CACNA2D3: variants seen among roughly 807,000 people sequenced by gnomAD.
CACNA2D3 encodes the protein voltage-dependent calcium channel subunit alpha-2/delta-3.
Under a neutral mutation model 160.6 loss-of-function variants are expected in CACNA2D3, and 60 were observed. The ratio of observed to expected loss-of-function variants is 0.37; its 90% CI spans 0.30 to 0.46. CACNA2D3 has a LOEUF of 0.46. CACNA2D3 is among the 20% of genes least tolerant of loss of function. CACNA2D3 has a pLI of 1.00. For synonymous variants in CACNA2D3, 558 were observed against 492.9 expected, an observed-to-expected ratio of 1.13 and a Z score of -1.75; for missense variants, 1,205 against 1,365.0, an observed-to-expected ratio of 0.88 and a Z score of 1.85.
chr3:54,945,199 A>C, intron 27 of CACNA2D3, among the ~76,000 whole-genome samples: 1 of 152,172 alleles, frequency 6.6e-6, no homozygotes, highest in East Asian at 1.9e-4. Flanking sequence ...TCTGAACATT[A>C]GCAGTTTTTC....
intron 2 of CACNA2D3, among the ~76,000 whole-genome samples, chr3:54,302,930 C>G (rs1254745436): frequency 1.3e-5 from 2 of 151,986 alleles, no homozygotes; most frequent in African/African-American, 4.8e-5. Context: ...TGCTTTTACT[C>G]CAGGATCCTC....
chr3:54,661,731 C>T (rs1198479112), intron 11 of CACNA2D3, among the ~76,000 whole-genome samples: 1 of 152,042 alleles, frequency 6.6e-6, no homozygotes, highest in Non-Finnish European at 1.5e-5. Context: ...TTTCCTCTTG[C>T]TGCAATAGAT....
intron 17 of CACNA2D3, among the ~76,000 whole-genome samples, chr3:54,871,191 A>C (rs547216159): frequency 2.3e-5 from 2 of 86,708 alleles, no homozygotes; most frequent in East Asian, 8.7e-4. Context: ...AGACACACAC[A>C]CACACACACA....
At chr3:55,003,044 C>T (rs768442116) in intron 31 of CACNA2D3, among the ~76,000 whole-genome samples, 15 of 152,104 alleles carry the variant, frequency 9.9e-5, no homozygotes, top group Non-Finnish European at 1.8e-4. Flanking sequence ...TGCTAGAGGT[C>T]GGTGTGAAAC....
At chr3:54,443,600 C>CA (rs1456506468) in intron 4 of CACNA2D3, among the ~76,000 whole-genome samples, 3 of 152,166 alleles carry the variant, frequency 2.0e-5, no homozygotes, top group Non-Finnish European at 4.4e-5. Context: ...CAAGTGTTTT[C>CA]CTGGTGGAGC....
chr3:54,236,514 A>G (rs12492780), intron 2 of CACNA2D3, among the ~76,000 whole-genome samples: 1 of 152,270 alleles, frequency 6.6e-6, no homozygotes, highest in East Asian at 1.9e-4. Flanking sequence ...AATTATTGTC[A>G]CTTTTGACTG....
At chr3:54,197,373 T>C (rs968651310) in intron 2 of CACNA2D3, 1 of 152,228 alleles carries the variant, frequency 6.6e-6, no homozygotes, top group African/African-American at 2.4e-5. Flanking sequence ...TGCCATAATA[T>C]TTAAGCATCT....
intron 11 of CACNA2D3, among the ~76,000 whole-genome samples, chr3:54,657,622 T>C (rs1219935261): frequency 6.6e-6 from 1 of 152,206 alleles, no homozygotes; most frequent in Admixed American, 6.5e-5. Context: ...GAGAAATTCA[T>C]CACAGTATTT....
intron 11 of CACNA2D3, among the ~76,000 whole-genome samples, chr3:54,673,451 C>T (rs1700192560): frequency 1.3e-5 from 2 of 152,158 alleles, no homozygotes; most frequent in Non-Finnish European, 2.9e-5. Flanking sequence ...TTGCAAAACG[C>T]AACTCATGAG....
chr3:54,554,870 C>CTTTTTTTTTTTTTTTTTGTTTTTTTTTTT (rs1702217612), intron 5 of CACNA2D3, among the ~76,000 whole-genome samples: 1 of 96,168 alleles, frequency 1.0e-5, no homozygotes, highest in Non-Finnish European at 1.9e-5. Flanking sequence ...CTCTCACTCT[C>CTTTTTTTTTTTTTTTTTGTTTTTTTTTTT]TTTTTTTTTT....
At chr3:55,044,083 T>G (rs1704020378) in intron 35 of CACNA2D3, among the ~76,000 whole-genome samples, 1 of 152,224 alleles carries the variant, frequency 6.6e-6, no homozygotes, top group South Asian at 2.1e-4. Flanking sequence ...CCTTTGGCTA[T>G]TCTAGTACAT....
At chr3:54,664,758 C>T (rs1423566073) in intron 11 of CACNA2D3, among the ~76,000 whole-genome samples, 1 of 152,170 alleles carries the variant, frequency 6.6e-6, no homozygotes, top group African/African-American at 2.4e-5. Context: ...CAGGGGGACT[C>T]AGAGGCTGGT....
At chr3:54,180,085 T>C (rs1404784133) in intron 2 of CACNA2D3, among the ~76,000 whole-genome samples, 1 of 147,408 alleles carries the variant, frequency 6.8e-6, no homozygotes, top group Non-Finnish European at 1.5e-5. Flanking sequence ...TTTTTGGTTT[T>C]CTTTTGTCTT....
intron 4 of CACNA2D3, among the ~76,000 whole-genome samples, chr3:54,421,084 T>C (rs1699829754): frequency 1.3e-5 from 2 of 152,236 alleles, no homozygotes; most frequent in Admixed American, 6.5e-5. Context: ...ATATCCATGA[T>C]GCTCTTTCCT....
At position 54,764,312 on chromosome 3, in the gene CACNA2D3, G is replaced by C; in HGVS notation, c.1341G>C (p.Glu447Asp). 6.2e-7 allele frequency: 1 copy of C among 1,613,870 alleles called. No homozygotes were observed. Among genetic ancestry groups the C allele is most frequent in the South Asian group, 1.1e-5 (1 of 91,066 alleles). The change falls in exon 13 of 38, where the codon GAG becomes GAC. Residue 447 changes from glutamate to aspartate, a missense_variant. By Grantham distance (45) the Glu-to-Asp change is conservative. Transcript: ENST00000474759. The stretch of plus-strand genomic sequence containing the variant: ...GCCGGCCCAAAGTCATCGACCAGGA[G>C]CATGATGTGGTGTGGACCGAAGCTT... The part of the protein sequence containing the change: ...VLSRPKVIDQ[E>D]HDVVWTEAYI...
At chr3:54,171,537 C>G (rs921506265) in intron 2 of CACNA2D3, among the ~76,000 whole-genome samples, 1 of 152,060 alleles carries the variant, frequency 6.6e-6, no homozygotes, top group African/African-American at 2.4e-5. Context: ...AAATTATAAT[C>G]TAAAATGATT....
chr3:54,165,817 T>C (rs9809321), intron 2 of CACNA2D3, among the ~76,000 whole-genome samples: 67,399 of 151,816 alleles, frequency 0.44, 15,105 homozygotes, highest in South Asian at 0.57. Flanking sequence ...CAACAACAAA[T>C]GAAGAAACAA....
intron 2 of CACNA2D3, among the ~76,000 whole-genome samples, chr3:54,288,676 A>G (rs1703100782): frequency 6.6e-6 from 1 of 152,322 alleles, no homozygotes; most frequent in African/African-American, 2.4e-5. Flanking sequence ...ATCCTCAATC[A>G]AATACTGGCA....
Position 55,018,274 on chromosome 3 carries a change from A to G in CACNA2D3, c.2944A>G (p.Ile982Val), listed in dbSNP as rs762590107. 6.2e-7 allele frequency: 1 copy of G among 1,613,232 alleles called. No homozygotes were observed. Among genetic ancestry groups the G allele is most frequent in the Non-Finnish European group, 8.5e-7 (1 of 1,179,468 alleles). ...EYPAFVSERT[I>V]KETTGNIACE... is the part of the protein sequence containing the mutation. ...TCCAGCATTCGTCTCTGAGCGCACC[A>G]TCAAGGAGACTACAGGGAATATTGC... is the stretch of plus-strand genomic sequence containing the variant. Residue 982 changes from isoleucine to valine, a missense_variant, in exon 35 of 38, where the codon ATC (isoleucine) becomes GTC (valine). Ile to Val is a conservative substitution (Grantham distance 29). Around this residue, in one of 3 missense-constraint regions of CACNA2D3, gnomAD observed 911 missense variants for 1,002.2 expected, o/e 0.91. Coordinates refer to ENST00000474759, the MANE Select transcript of CACNA2D3 (RefSeq NM_018398.3).
Sources: allele counts gnomAD v4.1 joint callset (sites outside exome capture counted in the v4.1 genomes callset), GRCh38; gene constraint gnomAD v4.1.1; regional missense constraint gnomAD v4.1.1; transcripts MANE v1.5; gene names NCBI Gene and HGNC (gene_info 2026-07-23, HGNC 2026-07-21).